ERGIC2: variants seen among roughly 807,000 people sequenced by gnomAD.
ERGIC2 encodes the protein ERGIC and golgi 2.
In ERGIC2, 31 loss-of-function variants were observed where a neutral mutation model predicts 52.5. That is an observed-to-expected ratio of 0.59 (90% CI 0.44 to 0.80). The LOEUF (loss-of-function observed/expected upper bound fraction) is 0.80. Among genes scored for constraint, ERGIC2 ranks in the 30% least tolerant of loss-of-function variants. ERGIC2 has a pLI of 0.00. For synonymous variants in ERGIC2, 129 were observed against 140.6 expected (o/e 0.92, Z 0.58); for missense variants, 395 against 455.2 (o/e 0.87, Z 1.20).
At chr12:29,370,031 T>C (rs756938297) in intron 3 of ERGIC2, 83 bp downstream of exon 3, 6 of 1,264,410 alleles carry the variant, frequency 4.7e-6, no homozygotes, top group Non-Finnish European at 5.1e-6. Flanking sequence ...TCTAGAAGGT[T>C]AGACTTTTTC....
At chr12:29,377,274 A>G (rs1940527694) in intron 1 of ERGIC2, among the ~76,000 whole-genome samples, 2 of 152,158 alleles carry the variant, frequency 1.3e-5, no homozygotes, top group South Asian at 4.1e-4. Flanking sequence ...TAAACTCCAG[A>G]AAGTCACTGA....
intron 8 of ERGIC2, among the ~76,000 whole-genome samples, chr12:29,355,107 C>G (rs1428639579): frequency 2.0e-5 from 3 of 152,148 alleles, no homozygotes; most frequent in Admixed American, 2.0e-4. Context: ...GCCCTTCCCT[C>G]CTTTATATAT....
chr12:29,357,050 C>CT (rs11384813), intron 7 of ERGIC2, among the ~76,000 whole-genome samples: 58,923 of 151,530 alleles, frequency 0.39, 12,966 homozygotes, highest in African/African-American at 0.61. Flanking sequence ...TCACTGTAAC[C>CT]CCGCCTCCTG....
chr12:29,365,152 A>G (rs985697030), intron 5 of ERGIC2, among the ~76,000 whole-genome samples: 2 of 152,086 alleles, frequency 1.3e-5, no homozygotes, highest in African/African-American at 4.8e-5. Context: ...AGACACATGC[A>G]CTCTGATCTT....
intron 6 of ERGIC2, among the ~76,000 whole-genome samples, chr12:29,360,572 C>T (rs1401036955): frequency 6.8e-6 from 1 of 146,414 alleles, no homozygotes; most frequent in Non-Finnish European, 1.5e-5. Context: ...ATAATATACT[C>T]ATATATGATA....
At chr12:29,357,391 G>A (rs1265108781) in intron 7 of ERGIC2, among the ~76,000 whole-genome samples, 1 of 151,914 alleles carries the variant, frequency 6.6e-6, no homozygotes, top group Non-Finnish European at 1.5e-5. Flanking sequence ...TTTTATGTGG[G>A]GGTATACCAC....
intron 5 of ERGIC2, among the ~76,000 whole-genome samples, chr12:29,365,915 G>C (rs1940355697): frequency 6.6e-6 from 1 of 151,884 alleles, no homozygotes; most frequent in African/African-American, 2.4e-5. Context: ...AAAAGTTACT[G>C]TTTCTGTAGA....
chr12:29,365,068 C>T lies in ERGIC2; in HGVS notation c.333+1809G>A, dbSNP rs1224781559. On this transcript the variant is annotated intron_variant, in intron 5 of 13. Coordinates refer to ENST00000360150, the MANE Select transcript of ERGIC2 (RefSeq NM_016570.3). The stretch of plus-strand genomic sequence containing the variant: ...AGCAATTTGGAGAGTTCTCAAAGAA[C>T]GTAGAGTATTATTTAACCCAGCAAT... Among the ~76,000 whole-genome samples the T allele has an allele frequency of 4.6e-5, 7 of 151,830 alleles. No individual in the cohort carries two copies. The East Asian group carries it at 5.8e-4, about 13-fold the overall frequency.
At chr12:29,343,026 T>C in intron 12 of ERGIC2, 94 bp downstream of exon 12, 1 of 1,071,620 alleles carries the variant, frequency 9.3e-7, no homozygotes, top group Non-Finnish European at 1.3e-6. Flanking sequence ...CACCGAAACA[T>C]GAAAATCTGT....
intron 7 of ERGIC2, among the ~76,000 whole-genome samples, chr12:29,356,780 C>A (rs892639790): frequency 6.6e-6 from 1 of 151,954 alleles, no homozygotes; most frequent in African/African-American, 2.4e-5. Context: ...TCCAAAAAGA[C>A]ATATTTTTTT....
intron 10 of ERGIC2, 56 bp downstream of exon 10, chr12:29,349,023 G>T: frequency 1.1e-6 from 1 of 873,068 alleles, no homozygotes; most frequent in Non-Finnish European, 1.8e-6. Flanking sequence ...TTAATATTCA[G>T]GTTATAAGCA....
At chr12:29,350,743 C>T (rs12830678) in intron 8 of ERGIC2, among the ~76,000 whole-genome samples, 21,807 of 151,908 alleles carry the variant, frequency 0.14, 1,594 homozygotes, top group Middle Eastern at 0.24. Flanking sequence ...TTTGTATTTG[C>T]ATCAATGTCT....
intron 11 of ERGIC2, among the ~76,000 whole-genome samples, chr12:29,345,208 T>C (rs748425871): frequency 6.6e-6 from 1 of 152,222 alleles, no homozygotes; most frequent in Non-Finnish European, 1.5e-5. Context: ...CTTAATGCAA[T>C]AGAAAACCTT....
intron 12 of ERGIC2, 141 bp from the exon 13 acceptor site, chr12:29,341,957 A>T: frequency 1.9e-6 from 1 of 515,078 alleles, no homozygotes; most frequent in African/African-American, 2.0e-5. Context: ...ATCAAGAAAG[A>T]TTTTAAAACA....
intron 1 of ERGIC2, among the ~76,000 whole-genome samples, chr12:29,378,443 T>C (rs963974167): frequency 2.0e-5 from 3 of 152,180 alleles, no homozygotes; most frequent in Non-Finnish European, 4.4e-5. Flanking sequence ...ATACAGGCAA[T>C]ATAATTCAGG....
At chr12:29,363,898 G>A (rs951180373) in intron 5 of ERGIC2, among the ~76,000 whole-genome samples, 1 of 148,736 alleles carries the variant, frequency 6.7e-6, no homozygotes, top group Admixed American at 6.7e-5. Context: ...TAGAGAAACA[G>A]TGTAAGTGAC....
At chr12:29,369,772 G>C (rs1441648593) in intron 3 of ERGIC2, among the ~76,000 whole-genome samples, 2 of 151,904 alleles carry the variant, frequency 1.3e-5, no homozygotes, top group African/African-American at 4.8e-5. Flanking sequence ...TGTATCCTTA[G>C]ACAACTTATT....
chr12:29,350,614 TCTC>T (rs1238212151), intron 8 of ERGIC2, among the ~76,000 whole-genome samples: 30 of 152,184 alleles, frequency 2.0e-4, no homozygotes, highest in South Asian at 1.7e-3. Context: ...AGTAGATTAT[TCTC>T]CTAATACTTA....
chr12:29,375,937 T>C (rs547223471), intron 1 of ERGIC2, among the ~76,000 whole-genome samples: 43 of 152,344 alleles, frequency 2.8e-4, no homozygotes, highest in African/African-American at 9.4e-4. Context: ...CTGTCTGGCA[T>C]AAACAAGGTA....
Sources: allele counts gnomAD v4.1 joint callset (sites outside exome capture counted in the v4.1 genomes callset), GRCh38; gene constraint gnomAD v4.1.1; transcripts MANE v1.5; gene names NCBI Gene and HGNC (gene_info 2026-07-23, HGNC 2026-07-21).